The following FSD1L variants were observed in gnomAD, a reference collection of about 807,000 sequenced individuals.
FSD1L encodes the protein fibronectin type III and SPRY domain containing 1 like.
In FSD1L, 45 loss-of-function variants were observed where a neutral mutation model predicts 71.6. The observed-to-expected ratio is 0.63, with a 90% CI of 0.49 to 0.81. The LOEUF is 0.81. FSD1L is among the 30% of genes least tolerant of loss of function. The pLI is 0.00. For missense variants in FSD1L, 561 were observed against 618.1 expected (o/e 0.91, Z 0.98); for synonymous variants, 197 against 207.2 (o/e 0.95, Z 0.42).
intron 6 of FSD1L, among the ~76,000 whole-genome samples, chr9:105,481,179 G>GTGTGTGTGT (rs71364100): frequency 8.1e-4 from 93 of 115,312 alleles, no homozygotes; most frequent in African/African-American, 1.3e-3. Context: ...GTGTGTGTGT[G>GTGTGTGTGT]GTTCTTTTTT....
chr9:105,503,775 T>C (rs1782458185), intron 7 of FSD1L, among the ~76,000 whole-genome samples: 2 of 152,352 alleles, frequency 1.3e-5, no homozygotes, highest in South Asian at 4.1e-4. Context: ...CTATATAGAA[T>C]CTAGAGTGAA....
intron 7 of FSD1L, among the ~76,000 whole-genome samples, chr9:105,488,275 T>C (rs1832685569): frequency 6.6e-6 from 1 of 152,228 alleles, no homozygotes; most frequent in Non-Finnish European, 1.5e-5. Context: ...TGGAATCATA[T>C]AGTAAGTAGC....
intron 7 of FSD1L, among the ~76,000 whole-genome samples, chr9:105,499,569 C>T (rs189169099): frequency 1.3e-4 from 19 of 151,920 alleles, no homozygotes; most frequent in Non-Finnish European, 2.1e-4. Flanking sequence ...TCCCCTCCTC[C>T]GCCCCCACCT....
chr9:105,517,256 G>A (rs1042311381), intron 10 of FSD1L, among the ~76,000 whole-genome samples: 9 of 152,162 alleles, frequency 5.9e-5, no homozygotes, highest in African/African-American at 2.2e-4. Flanking sequence ...ACTCTTCAGG[G>A]TATTATCGAG....
At chr9:105,444,778 C>A (rs1278362261), upstream of FSD1L, among the ~76,000 whole-genome samples, 1 of 152,208 alleles carries the variant, frequency 6.6e-6, no homozygotes, top group African/African-American at 2.4e-5. Flanking sequence ...GTAGTCCTCT[C>A]CCCGACCCCT....
intron 7 of FSD1L, among the ~76,000 whole-genome samples, chr9:105,497,719 A>G (rs1047352790): frequency 6.6e-6 from 1 of 152,140 alleles, no homozygotes; most frequent in Non-Finnish European, 1.5e-5. Context: ...TTCATTTTTG[A>G]TACTAGTTAT....
chr9:105,487,922 G>T (rs1161738798), intron 7 of FSD1L, among the ~76,000 whole-genome samples: 1 of 152,138 alleles, frequency 6.6e-6, no homozygotes, highest in African/African-American at 2.4e-5. Flanking sequence ...GAAAGGTATG[G>T]AGATTTCTCA....
intron 2 of FSD1L, 123 bp from the exon 3 acceptor site, chr9:105,464,113 T>G: frequency 1.7e-6 from 1 of 603,406 alleles, no homozygotes; most frequent in Non-Finnish European, 2.9e-6. Context: ...ATGAGAAATT[T>G]TACATTGCTC....
In FSD1L at chr9:105,508,611, C is replaced by CT. The variant is rs1834209776; in HGVS notation, c.797-4dup. The CT allele has an allele frequency of 6.5e-7, 1 of 1,539,292 alleles. No individual in the cohort carries two copies. Among genetic ancestry groups the CT allele is most frequent in the Non-Finnish European group, 8.8e-7 (1 of 1,136,292 alleles). On this transcript the variant is annotated splice_region_variant and splice_polypyrimidine_tract_variant and intron_variant, in intron 8 of 13. Transcript: ENST00000481272. Reference sequence around the variant, plus strand: ...ATGTCTGAAAACCATGTTTTCGTTTCTTCAGGCTTAAAATTTGATTCAAAG... The same window carrying CT: ...ATGTCTGAAAACCATGTTTTCGTTTCTTTCAGGCTTAAAATTTGATTCAAAG...
chr9:105,524,412 T>C, intron 10 of FSD1L: 1 of 1,613,648 alleles, frequency 6.2e-7, no homozygotes, highest in Non-Finnish European at 8.5e-7. Context: ...GGACAAGAGG[T>C]TGGTAGTATC....
chr9:105,492,233 G>T (rs1480875470), intron 7 of FSD1L, among the ~76,000 whole-genome samples: 1 of 152,118 alleles, frequency 6.6e-6, no homozygotes, highest in Non-Finnish European at 1.5e-5. Context: ...TTGGGAGGGT[G>T]TATGTGTCGA....
In FSD1L at chr9:105,448,114, G is replaced by T; in HGVS notation, c.-107G>T. ...GGTGGGGCCGGGCGGTGCCGGTGCG[G>T]GCTGGGGCAGTGCAGTGAGTAGCGG... On this transcript the variant is annotated 5_prime_UTR_variant, in exon 1 of 14. Transcript: ENST00000481272. 3 of 1,247,030 alleles carry T rather than the reference G, an allele frequency of 2.4e-6. No individual in the cohort carries two copies. Among genetic ancestry groups the T allele is most frequent in the Non-Finnish European group, 3.4e-6 (3 of 878,888 alleles). The allele number at this position is 1,247,030 out of a possible 1,614,324, so 77.2% of individuals were successfully genotyped here. A position where few individuals can be genotyped will look rare whatever the true frequency, so the allele number is the denominator to read the frequency against.
intron 7 of FSD1L, among the ~76,000 whole-genome samples, chr9:105,492,563 G>A (rs1833026521): frequency 6.6e-6 from 1 of 151,976 alleles, no homozygotes; most frequent in African/African-American, 2.4e-5. Context: ...GTTTGCTCTT[G>A]CTTTTCTAGT....
intron 7 of FSD1L, among the ~76,000 whole-genome samples, chr9:105,494,946 T>A (rs1402165278): frequency 6.6e-6 from 1 of 152,016 alleles, no homozygotes; most frequent in African/African-American, 2.4e-5. Context: ...TGCTCGGGGG[T>A]CAGGGGTCAC....
intron 10 of FSD1L, among the ~76,000 whole-genome samples, chr9:105,518,193 C>G (rs1380562203): frequency 6.6e-6 from 1 of 152,212 alleles, no homozygotes; most frequent in African/African-American, 2.4e-5. Flanking sequence ...GAGAATTAGA[C>G]TCCCATACAG....
At chr9:105,479,724 A>T (rs904828914) in intron 6 of FSD1L, among the ~76,000 whole-genome samples, 1 of 152,184 alleles carries the variant, frequency 6.6e-6, no homozygotes, top group South Asian at 2.1e-4. Context: ...TTGTTGTTAA[A>T]TTTAAATGTA....
In FSD1L at chr9:105,484,550, T is replaced by C. The variant is rs769432776; in HGVS notation, c.586+48T>C. ...AAGTTTTGTATAAAACTTTTTTTTTTCTACAAGATTTTTTTGCAGTGAACA... is the reference window on the plus strand; with the variant it reads ...AAGTTTTGTATAAAACTTTTTTTTTCCTACAAGATTTTTTTGCAGTGAACA... On this transcript the variant is annotated intron_variant, in intron 7 of 13. Transcript: ENST00000481272. The C allele has an allele frequency of 6.2e-6, 8 of 1,298,664 alleles. No homozygotes were observed. The African/African-American group carries it at 1.1e-4, about 18-fold the overall frequency. The allele number at this position is 1,298,664 out of a possible 1,614,324, so 80.4% of individuals were successfully genotyped here. A position where few individuals can be genotyped will look rare whatever the true frequency, so the allele number is the denominator to read the frequency against.
Position 105,475,012 on chromosome 9 carries a change from G to A in FSD1L, c.441+3007G>A, listed in dbSNP as rs550370735. ...CCAGCAAATGGGATCCAGATCATTAGCTTTATTCCTGGACTTAATAAATTG... is the reference window on the plus strand; with the variant it reads ...CCAGCAAATGGGATCCAGATCATTAACTTTATTCCTGGACTTAATAAATTG... On this transcript the variant is annotated intron_variant, in intron 5 of 13. Coordinates refer to ENST00000481272, the MANE Select transcript of FSD1L (RefSeq NM_001145313.3). Among the ~76,000 whole-genome samples the A allele has an allele frequency of 2.2e-4, 33 of 152,304 alleles. 1 individual carries two copies. The highest frequency in any genetic ancestry group is 7.7e-4 in the African/African-American group (32 of 41,572).
At chr9:105,491,505 A>G (rs574027152) in intron 7 of FSD1L, among the ~76,000 whole-genome samples, 10 of 152,116 alleles carry the variant, frequency 6.6e-5, no homozygotes, top group African/African-American at 2.2e-4. Flanking sequence ...TCTCCTGCCC[A>G]ATTGCCCTGA....
Sources: gnomAD v4.1 joint callset for allele counts (sites outside exome capture counted in the v4.1 genomes callset) on GRCh38, gnomAD v4.1.1 for gene constraint, MANE v1.5 for transcripts, NCBI Gene and HGNC (gene_info 2026-07-23, HGNC 2026-07-21) for gene names.